BCL11A: variants seen among roughly 807,000 people sequenced by gnomAD.
BCL11A encodes the protein B cell CLL/lymphoma 11A.
BCL11A carries 2 observed loss-of-function variants against 55.9 expected under a neutral mutation model. That is an observed-to-expected ratio of 0.04 (90% CI 0.01 to 0.11). The LOEUF (loss-of-function observed/expected upper bound fraction) is 0.11. Among genes scored for constraint, BCL11A ranks in the 10% least tolerant of loss-of-function variants. The pLI is 1.00. For missense variants in BCL11A, 817 were observed against 1,137.1 expected (o/e 0.72, Z 4.05); for synonymous variants, 465 against 473.4 (o/e 0.98, Z 0.23).
In BCL11A at chr2:60,478,824, G is replaced by A. The variant is rs894337026; in HGVS notation, c.386-9991C>T. Among the ~76,000 whole-genome samples, 4 of 152,244 alleles carry A rather than the reference G, an allele frequency of 2.6e-5. No homozygotes were observed. In the South Asian group the frequency reaches 6.2e-4, roughly 24 times the overall value. On this transcript the variant is annotated intron_variant, in intron 2 of 3. Transcript: ENST00000642384. ...TCTTTCAGAAAACAGGCCTCTGCCC[G>A]GGGCATGCTGCAGCTGCTTCTCTGC...
chr2:60,550,113 A>G (rs760378460), intron 1 of BCL11A, among the ~76,000 whole-genome samples: 3 of 151,748 alleles, frequency 2.0e-5, no homozygotes, highest in Non-Finnish European at 1.5e-5. Flanking sequence ...GAGGCTGGAG[A>G]CCAAGTGCAA....
intron 2 of BCL11A, chr2:60,528,654 G>C (rs555315825): frequency 6.6e-6 from 1 of 152,208 alleles, no homozygotes; most frequent in South Asian, 2.1e-4. Context: ...AGAGGGTGGC[G>C]GCCGCAGGCC....
chr2:60,496,922 GGACA>G (rs1345089961), intron 2 of BCL11A, among the ~76,000 whole-genome samples: 1 of 152,140 alleles, frequency 6.6e-6, no homozygotes, highest in African/African-American at 2.4e-5. Context: ...ATTTCCCCAT[GGACA>G]GTCATAAGAG....
At chr2:60,483,762 C>A (rs1678100448) in intron 2 of BCL11A, among the ~76,000 whole-genome samples, 1 of 152,204 alleles carries the variant, frequency 6.6e-6, no homozygotes, top group Non-Finnish European at 1.5e-5. Flanking sequence ...GGGACTGGGT[C>A]TAAGCACTCG....
intron 3 of BCL11A, among the ~76,000 whole-genome samples, chr2:60,464,668 T>C (rs998847871): frequency 3.3e-5 from 5 of 152,240 alleles, no homozygotes; most frequent in Admixed American, 6.5e-5. Flanking sequence ...CCATGAATTG[T>C]AGTCATTGAT....
intron 2 of BCL11A, among the ~76,000 whole-genome samples, chr2:60,523,323 T>A (rs907887369): frequency 6.6e-6 from 1 of 152,240 alleles, no homozygotes; most frequent in Admixed American, 6.5e-5. Context: ...TTTGCCACTA[T>A]GATCCTCAAT....
chr2:60,551,010 G>A (rs1192540348), intron 1 of BCL11A: 2 of 397,554 alleles, frequency 5.0e-6, no homozygotes, highest in East Asian at 7.1e-5. Flanking sequence ...GTGCCGGGGT[G>A]GGGGAGCTTC....
In BCL11A at chr2:60,494,668, G is replaced by A. The variant is rs564268771; in HGVS notation, c.386-25835C>T. On this transcript the variant is annotated intron_variant, in intron 2 of 3. Coordinates refer to ENST00000642384, the MANE Select transcript of BCL11A (RefSeq NM_022893.4). ...TGGAATTTAAAATATGGACTCATCC[G>A]TAAAATAGGAATAATAATAGTATAT... is the stretch of plus-strand genomic sequence containing the variant. Among the ~76,000 whole-genome samples, 23 of 152,266 alleles carry A rather than the reference G, an allele frequency of 1.5e-4. 1 individual carries two copies. The South Asian group carries it at 2.9e-3, about 19-fold the overall frequency.
intron 3 of BCL11A, among the ~76,000 whole-genome samples, chr2:60,467,099 ATGGTGGTGGTAGTGG>A (rs1558618041): frequency 2.1e-5 from 2 of 97,462 alleles, no homozygotes; most frequent in African/African-American, 3.9e-5. Context: ...GGTGGTGATG[ATGGTGGTGGTAGTGG>A]TGGTGGTGGT....
intron 2 of BCL11A, among the ~76,000 whole-genome samples, chr2:60,515,554 T>G (rs892612224): frequency 6.6e-6 from 1 of 152,232 alleles, no homozygotes; most frequent in Non-Finnish European, 1.5e-5. Flanking sequence ...GAAAGCCAAG[T>G]TGCTGACAGA....
intron 2 of BCL11A, among the ~76,000 whole-genome samples, chr2:60,509,028 G>C (rs1679821235): frequency 6.6e-6 from 1 of 152,232 alleles, no homozygotes; most frequent in Non-Finnish European, 1.5e-5. Context: ...CTAAAGCCTA[G>C]AGGACCTCCT....
intron 2 of BCL11A, among the ~76,000 whole-genome samples, chr2:60,497,597 T>C (rs1032182850): frequency 3.0e-5 from 4 of 133,082 alleles, no homozygotes; most frequent in African/African-American, 1.2e-4. Flanking sequence ...CCATATCCTA[T>C]AATGGTGATG....
intron 2 of BCL11A, among the ~76,000 whole-genome samples, chr2:60,503,047 T>G (rs1679381412): frequency 6.6e-6 from 1 of 152,322 alleles, no homozygotes; most frequent in Non-Finnish European, 1.5e-5. Context: ...AACGTGTCTG[T>G]CATCTTAATA....
rs72621537 is a variant in BCL11A at position 60,507,670 on chromosome 2, G to A, written c.385+38301C>T. Among the ~76,000 whole-genome samples the A allele has an allele frequency of 6.2e-4, 95 of 152,122 alleles. 2 individuals carry two copies. In the East Asian group the frequency reaches 0.017, roughly 26 times the overall value. ...TGAGCTGAGCTTGCTGTCCTAAGTC[G>A]GCTACTGCTTCTAAGTCCCCAGCTT... On this transcript the variant is annotated intron_variant, in intron 2 of 3. Transcript: ENST00000642384.
Position 60,462,238 on chromosome 2 carries a change from G to A in BCL11A, c.674C>T (p.Pro225Leu), listed in dbSNP as rs750571600. ...TGCAATATGAATCCCATGGAGAGGT[G>A]GCTGGGAAGGACATTCTGCACCTAG... ...SGLGAECPSQ[P>L]PLHGIHIADN... Residue 225 changes from proline to leucine, a missense_variant, in exon 4 of 4, where the codon CCA (proline) becomes CTA (leucine). Transcript: ENST00000642384. The A allele has an allele frequency of 6.2e-7, 1 of 1,613,880 alleles. No homozygotes were observed. The highest frequency in any genetic ancestry group is 8.5e-7 in the Non-Finnish European group (1 of 1,179,908).
intron 1 of BCL11A, among the ~76,000 whole-genome samples, chr2:60,548,400 G>C (rs1670249138): frequency 6.7e-6 from 1 of 149,906 alleles, no homozygotes; most frequent in African/African-American, 2.5e-5. Flanking sequence ...AGGTGCAAAA[G>C]GAAATATTCT....
At chr2:60,451,117 A>C (rs1675705313), downstream of BCL11A, 1 of 182,084 alleles carries the variant, frequency 5.5e-6, no homozygotes, top group Non-Finnish European at 1.2e-5. Context: ...AGAGCAGGTG[A>C]AATAATGCAC....
rs1468979420 is a variant in BCL11A, at chr2:60,531,134, C to T, written c.385+14837G>A. On this transcript the variant is annotated intron_variant, in intron 2 of 3. Coordinates refer to ENST00000642384, the MANE Select transcript of BCL11A (RefSeq NM_022893.4). ...GATGGACTTGACCACTTTGCTTAAG[C>T]CCCTCCTGGCAACCTCAGAAATTAG... 2.0e-5 allele frequency among the ~76,000 whole-genome samples: 3 copies of T among 151,960 alleles called. No individual in the cohort carries two copies. The East Asian group carries it at 5.8e-4, about 29-fold the overall frequency.
At chr2:60,469,032 G>A (rs575649312) in intron 2 of BCL11A, among the ~76,000 whole-genome samples, 199 bp from the exon 3 acceptor site, 2 of 152,306 alleles carry the variant, frequency 1.3e-5, no homozygotes, top group Admixed American at 6.5e-5. Context: ...TTTCAATTTC[G>A]GTCTTTTTGA....
Sources: gnomAD v4.1 joint callset for allele counts (sites outside exome capture counted in the v4.1 genomes callset) on GRCh38, gnomAD v4.1.1 for gene constraint, MANE v1.5 for transcripts, NCBI Gene and HGNC (gene_info 2026-07-23, HGNC 2026-07-21) for gene names.